KLHL1: variants seen among roughly 807,000 people sequenced by gnomAD.
The protein encoded by KLHL1 is kelch like family member 1, also known as kelch-like protein 1.
Under a neutral mutation model 77.7 loss-of-function variants are expected in KLHL1, and 47 were observed. The ratio of observed to expected loss-of-function variants is 0.60; its 90% CI spans 0.48 to 0.77. KLHL1 has a LOEUF of 0.77. Ranked by LOEUF, KLHL1 falls within the 30% of genes least tolerant of loss-of-function variation. The pLI, the probability that KLHL1 is intolerant of heterozygous loss-of-function variation, is 0.00. For missense variants in KLHL1, 925 were observed against 910.8 expected, an observed-to-expected ratio of 1.02 and a Z score of -0.20; for synonymous variants, 360 against 325.2, an observed-to-expected ratio of 1.11 and a Z score of -1.15.
At chr13:69,826,112 T>G (rs1249883095) in intron 6 of KLHL1, among the ~76,000 whole-genome samples, 1 of 152,100 alleles carries the variant, frequency 6.6e-6, no homozygotes, top group Non-Finnish European at 1.5e-5. Context: ...GCATAGGAGC[T>G]AAAAAAGTCA....
chr13:69,874,911 G>A (rs1466187686), intron 5 of KLHL1, among the ~76,000 whole-genome samples: 1 of 152,098 alleles, frequency 6.6e-6, no homozygotes, highest in East Asian at 1.9e-4. Context: ...TTGTCAAGTA[G>A]TTAATTGGGC....
intron 1 of KLHL1, among the ~76,000 whole-genome samples, chr13:70,025,431 G>A (rs1240628173): frequency 6.6e-6 from 1 of 151,870 alleles, no homozygotes; most frequent in Non-Finnish European, 1.5e-5. Context: ...CATGTAATGG[G>A]AGTTAGTCTT....
intron 5 of KLHL1, among the ~76,000 whole-genome samples, chr13:69,871,663 TA>T (rs555363024): frequency 5.1e-4 from 77 of 152,016 alleles, no homozygotes; most frequent in African/African-American, 1.7e-3. Flanking sequence ...CAATCTACCC[TA>T]CATCATTGAT....
At chr13:70,005,754 GAATA>G (rs1281872022) in intron 1 of KLHL1, among the ~76,000 whole-genome samples, 3 of 151,824 alleles carry the variant, frequency 2.0e-5, no homozygotes, top group African/African-American at 7.3e-5. Flanking sequence ...ATCAAAACAA[GAATA>G]AATACATCGT....
intron 1 of KLHL1, among the ~76,000 whole-genome samples, chr13:70,060,157 T>G (rs980290656): frequency 6.6e-6 from 1 of 152,062 alleles, no homozygotes; most frequent in Admixed American, 6.5e-5. Flanking sequence ...TGGAAACAGG[T>G]GTATGAAAAG....
chr13:70,103,048 A>G (rs892871343), intron 1 of KLHL1, among the ~76,000 whole-genome samples: 1 of 152,156 alleles, frequency 6.6e-6, no homozygotes, highest in African/African-American at 2.4e-5. Context: ...GAGAACAGTT[A>G]TTCTAAGAAG....
chr13:69,919,555 C>T (rs1256030976), intron 4 of KLHL1, among the ~76,000 whole-genome samples: 1 of 144,428 alleles, frequency 6.9e-6, no homozygotes, highest in Non-Finnish European at 1.5e-5. Flanking sequence ...ATTAATGACA[C>T]CAATTTTCTC....
At chr13:69,840,694 ATATATATGTATG>A (rs1272785448) in intron 5 of KLHL1, among the ~76,000 whole-genome samples, 2 of 128,924 alleles carry the variant, frequency 1.6e-5, no homozygotes, top group Admixed American at 7.4e-5. Context: ...TTATATATAT[ATATATATGTATG>A]TATGTATGTA....
intron 7 of KLHL1, among the ~76,000 whole-genome samples, chr13:69,760,659 G>T (rs575178201): frequency 6.6e-6 from 1 of 152,006 alleles, no homozygotes; most frequent in African/African-American, 2.4e-5. Flanking sequence ...CCTGCCACAA[G>T]ATTTAAATTT....
chr13:69,837,138 T>C (rs1453955397), intron 6 of KLHL1, among the ~76,000 whole-genome samples: 1 of 151,868 alleles, frequency 6.6e-6, no homozygotes, highest in African/African-American at 2.4e-5. Flanking sequence ...TCTTATATAT[T>C]TTTGAAAAAG....
At chr13:69,895,138 G>C in intron 4 of KLHL1, 1 of 464,878 alleles carries the variant, frequency 2.2e-6, no homozygotes. Context: ...TATATATAAT[G>C]AATTCTTCCT....
At chr13:69,810,960 G>T (rs190307924) in intron 6 of KLHL1, among the ~76,000 whole-genome samples, 13 of 151,194 alleles carry the variant, frequency 8.6e-5, no homozygotes, top group African/African-American at 3.2e-4. Context: ...AATAAGTAAG[G>T]AAACTGAATC....
At chr13:69,747,399 A>G (rs557660710) in intron 7 of KLHL1, among the ~76,000 whole-genome samples, 23 of 152,076 alleles carry the variant, frequency 1.5e-4, no homozygotes, top group African/African-American at 5.3e-4. Context: ...ATTTCTCTCT[A>G]TATTGTAATT....
At chr13:69,817,925 C>T (rs937360639) in intron 6 of KLHL1, among the ~76,000 whole-genome samples, 1 of 152,088 alleles carries the variant, frequency 6.6e-6, no homozygotes, top group Admixed American at 6.6e-5. Context: ...AGGTTCAAAA[C>T]CCTCTATTAA....
chr13:69,877,602 A>G (rs754056733), intron 5 of KLHL1, among the ~76,000 whole-genome samples: 12 of 152,038 alleles, frequency 7.9e-5, no homozygotes, highest in Non-Finnish European at 1.5e-4. Flanking sequence ...TTCATAACTT[A>G]TTTTTTTAAA....
intron 4 of KLHL1, among the ~76,000 whole-genome samples, chr13:69,928,085 A>C (rs1228457421): frequency 6.6e-6 from 1 of 152,178 alleles, no homozygotes; most frequent in East Asian, 1.9e-4. Context: ...TGGCACCCCC[A>C]TTGTTCCTAT....
chr13:69,887,840 A>G (rs1385999276), intron 4 of KLHL1, among the ~76,000 whole-genome samples: 1 of 152,278 alleles, frequency 6.6e-6, no homozygotes, highest in East Asian at 1.9e-4. Context: ...GTTCAAGGCA[A>G]TATCAGTTTA....
chr13:69,855,950 ATATGT>A (rs552509807), intron 5 of KLHL1, among the ~76,000 whole-genome samples: 1 of 147,316 alleles, frequency 6.8e-6, no homozygotes, highest in African/African-American at 2.5e-5. Flanking sequence ...TATATATTAT[ATATGT>A]TATAACATAT....
At chr13:69,876,007 G>C (rs1260459034) in intron 5 of KLHL1, among the ~76,000 whole-genome samples, 2 of 152,064 alleles carry the variant, frequency 1.3e-5, no homozygotes, top group African/African-American at 4.8e-5. Context: ...GATTGTGTTA[G>C]TGGGCTTGAT....
Sources: allele counts gnomAD v4.1 joint callset (sites outside exome capture counted in the v4.1 genomes callset), GRCh38; gene constraint gnomAD v4.1.1; transcripts MANE v1.5; gene names NCBI Gene and HGNC (gene_info 2026-07-23, HGNC 2026-07-21).